Variants in ATP6V0A4 observed in about 807,000 individuals in gnomAD.
The protein encoded by ATP6V0A4 is V-type proton ATPase 116 kDa subunit a 4.
Under a neutral mutation model 107.3 loss-of-function variants are expected in ATP6V0A4, and 86 were observed. The ratio of observed to expected loss-of-function variants is 0.80; its 90% CI spans 0.67 to 0.96. The LOEUF (loss-of-function observed/expected upper bound fraction) is 0.96. Among genes scored for constraint, ATP6V0A4 ranks in the 40% least tolerant of loss-of-function variants. ATP6V0A4 has a pLI of 0.00. For missense variants in ATP6V0A4, 908 were observed against 1,045.6 expected, an observed-to-expected ratio of 0.87 and a Z score of 1.81; for synonymous variants, 353 against 381.4, an observed-to-expected ratio of 0.93 and a Z score of 0.87.
At position 138,739,578 on chromosome 7, in the gene ATP6V0A4, C is replaced by G; in HGVS notation, c.1534G>C (p.Val512Leu). The G allele has an allele frequency of 6.2e-7, 1 of 1,614,194 alleles. No homozygotes were observed. Among genetic ancestry groups the G allele is most frequent in the Non-Finnish European group, 8.5e-7 (1 of 1,180,040 alleles). Residue 512 changes from valine (V) to leucine (L), a missense_variant, in exon 15 of 22, where the codon GTG becomes CTG. Physicochemically the swap from Val to Leu is conservative, Grantham distance 32. Coordinates refer to ENST00000310018, the MANE Select transcript of ATP6V0A4 (RefSeq NM_020632.3). ...AACGGGTATGGATTTCCAAAATACACTCCTGGTATGGCTGGGTCCAGCTGC... is the reference window on the plus strand; with the variant it reads ...AACGGGTATGGATTTCCAAAATACAGTCCTGGTATGGCTGGGTCCAGCTGC... Reference protein sequence around the residue: ...YLQLDPAIPGVYFGNPYPFGI... With the variant: ...YLQLDPAIPGLYFGNPYPFGI...
At chr7:138,740,193 G>A (rs1031454031) in intron 14 of ATP6V0A4, among the ~76,000 whole-genome samples, 7 of 151,902 alleles carry the variant, frequency 4.6e-5, no homozygotes, top group South Asian at 2.1e-4. Flanking sequence ...TCAGAAATGA[G>A]GTAGAAAGCA....
At chr7:138,763,186 GACACACACAC>G (rs3832464) in intron 5 of ATP6V0A4, 161 bp from the exon 6 acceptor site, 6 of 262,798 alleles carry the variant, frequency 2.3e-5, no homozygotes, top group African/African-American at 4.9e-5. Context: ...GACACACACA[GACACACACAC>G]ACACACACAC....
At chr7:138,794,004 G>A (rs1808542689) in intron 1 of ATP6V0A4, among the ~76,000 whole-genome samples, 1 of 152,160 alleles carries the variant, frequency 6.6e-6, no homozygotes, top group Non-Finnish European at 1.5e-5. Context: ...CTTAACAGCT[G>A]TAGTTCTCAA....
chr7:138,742,899 G>T (rs201583030), intron 14 of ATP6V0A4, among the ~76,000 whole-genome samples: 3 of 23,364 alleles, frequency 1.3e-4, no homozygotes, highest in Non-Finnish European at 1.5e-4. Flanking sequence ...TAATTGCAAA[G>T]CAAAAAAAAA....
rs758945742 is a variant in ATP6V0A4, at chr7:138,749,331, A to T, written c.1030-14T>A. 372 of 1,610,290 alleles carry T rather than the reference A, an allele frequency of 2.3e-4. No individual in the cohort carries two copies. Among genetic ancestry groups the T allele is most frequent in the Non-Finnish European group, 3.1e-4 (368 of 1,179,762 alleles). On this transcript the variant is annotated splice_polypyrimidine_tract_variant and intron_variant, in intron 11 of 21. Coordinates refer to ENST00000310018, the MANE Select transcript of ATP6V0A4 (RefSeq NM_020632.3). ...GCCACTTAGTTCCTGGAAAAAAAAA[A>T]AAAAGCGACAAAGATGTAAGGAGAA...
chr7:138,726,890 G>A (rs1804751853), intron 18 of ATP6V0A4, among the ~76,000 whole-genome samples: 3 of 152,118 alleles, frequency 2.0e-5, no homozygotes, highest in Non-Finnish European at 2.9e-5. Flanking sequence ...ATCTGGTGGC[G>A]CAAAGGAGAA....
In ATP6V0A4 at chr7:138,722,323, G is replaced by A. The variant is rs149914408; in HGVS notation, c.2011-298C>T. Reference sequence around the variant, plus strand: ...AGCCTGGGCGACAGAGAGAGACTCCGTCTCAAAAAAATAAATAAATAAAAT... The same window carrying A: ...AGCCTGGGCGACAGAGAGAGACTCCATCTCAAAAAAATAAATAAATAAAAT... On this transcript the variant is annotated intron_variant, in intron 18 of 21. Transcript: ENST00000310018. 6.7e-3 allele frequency among the ~76,000 whole-genome samples: 993 copies of A among 147,186 alleles called. 11 individuals are homozygous for A. The highest frequency in any genetic ancestry group is 0.023 in the African/African-American group (925 of 39,926).
Position 138,759,865 on chromosome 7 carries a change from C to T in ATP6V0A4, c.526G>A (p.Val176Met), listed in dbSNP as rs759790025. The change falls in exon 8 of 22, where the codon GTG becomes ATG. Residue 176 changes from valine to methionine, a missense_variant. Coordinates refer to ENST00000310018, the MANE Select transcript of ATP6V0A4 (RefSeq NM_020632.3). ...MTGKLGFIAG[V>M]INRERMASFE... is the part of the protein sequence containing the mutation. ...GAAGCCATCCTCTCCCTGTTGATCA[C>T]ACCGGCTATGAACCTAGGCAGCCAG... 1.2e-6 allele frequency: 2 copies of T among 1,614,104 alleles called. No homozygotes were observed. The highest frequency in any genetic ancestry group is 1.1e-5 in the South Asian group (1 of 91,076).
chr7:138,718,581 G>A (rs1230300405), intron 19 of ATP6V0A4, among the ~76,000 whole-genome samples: 2 of 99,486 alleles, frequency 2.0e-5, no homozygotes, highest in East Asian at 3.5e-4. Context: ...GAGAGGCATG[G>A]GGCGGAATGG....
rs774903056 is a variant in ATP6V0A4, at chr7:138,732,942, G to A, written c.1843C>T (p.His615Tyr). 45 of 1,613,478 alleles carry A rather than the reference G, an allele frequency of 2.8e-5. No individual in the cohort carries two copies. Among genetic ancestry groups the A allele is most frequent in the Non-Finnish European group, 3.6e-5 (43 of 1,179,600 alleles). The change falls in exon 17 of 22, where the codon CAC (histidine) becomes TAC (tyrosine). Residue 615 changes from histidine (H) to tyrosine (Y), a missense_variant. His to Tyr is a moderately conservative substitution (Grantham distance 83, BLOSUM62 2). Coordinates refer to ENST00000310018, the MANE Select transcript of ATP6V0A4 (RefSeq NM_020632.3). ...VSQHAPSILI[H>Y]FINMFLFNYS... ...TTAAACAGAAACATGTTGATGAAGT[G>A]GATGAGGATGCTGGGGGCGTGCTGA...
At position 138,762,987 on chromosome 7, in the gene ATP6V0A4, G is replaced by A. The variant is rs769178991; in HGVS notation, c.330C>T (p.Ala110=). Residue 110 remains alanine, a synonymous_variant, in exon 6 of 22, where the codon GCC becomes GCT. Transcript: ENST00000310018. ...GTTTCAAGGCCTGCTGGTTCTGGTT[G>A]GCTTCCTGTAACTCTCCTTCCAGTT... is the stretch of plus-strand genomic sequence containing the variant. ...LEKLEGELQE[A]NQNQQALKQS... The A allele has an allele frequency of 6.2e-7, 1 of 1,614,036 alleles. No individual in the cohort carries two copies. Among genetic ancestry groups the A allele is most frequent in the Admixed American group, 1.7e-5 (1 of 59,998 alleles).
intron 2 of ATP6V0A4, among the ~76,000 whole-genome samples, chr7:138,777,629 A>T (rs1270677335): frequency 3.8e-5 from 5 of 133,124 alleles, no homozygotes; most frequent in African/African-American, 1.6e-4. Context: ...AAAAAAAAAA[A>T]AAATACACAC....
chr7:138,767,377 G>C (rs1159861765), intron 5 of ATP6V0A4, among the ~76,000 whole-genome samples: 1 of 152,088 alleles, frequency 6.6e-6, no homozygotes, highest in Admixed American at 6.6e-5. Flanking sequence ...ACAAAAATTA[G>C]CTGGGCGTGG....
chr7:138,733,264 G>T, intron 16 of ATP6V0A4, 171 bp from the exon 17 acceptor site: 3 of 596,604 alleles, frequency 5.0e-6, no homozygotes, highest in East Asian at 1.5e-4. Flanking sequence ...CTGTATGGAT[G>T]CATAGAAAAG....
At chr7:138,716,892 T>C (rs923442744) in intron 19 of ATP6V0A4, among the ~76,000 whole-genome samples, 5 of 152,150 alleles carry the variant, frequency 3.3e-5, no homozygotes, top group African/African-American at 1.2e-4. Flanking sequence ...GTGCTGTACA[T>C]GCCCTCAAGT....
At chr7:138,781,405 G>A (rs113306777) in intron 2 of ATP6V0A4, among the ~76,000 whole-genome samples, 18 of 150,762 alleles carry the variant, frequency 1.2e-4, no homozygotes, top group South Asian at 6.3e-4. Context: ...ATCTTGGCTC[G>A]CTGCAGCCTC....
chr7:138,725,833 A>C (rs1353747997), intron 18 of ATP6V0A4, among the ~76,000 whole-genome samples: 1 of 151,426 alleles, frequency 6.6e-6, no homozygotes, highest in Non-Finnish European at 1.5e-5. Flanking sequence ...AGTTCTAAGG[A>C]TGACCCATTT....
At chr7:138,744,474 G>A (rs771719392) in intron 14 of ATP6V0A4, among the ~76,000 whole-genome samples, 6 of 151,862 alleles carry the variant, frequency 4.0e-5, no homozygotes, top group Non-Finnish European at 8.8e-5. Context: ...CTGAACTCAA[G>A]TGATCCTCCC....
intron 19 of ATP6V0A4, among the ~76,000 whole-genome samples, chr7:138,718,822 G>A (rs1804288925): frequency 1.3e-5 from 2 of 152,136 alleles, no homozygotes; most frequent in African/African-American, 4.8e-5. Flanking sequence ...AGGAATTGAA[G>A]GGACAGGGAT....
Sources: allele counts gnomAD v4.1 joint callset (sites outside exome capture counted in the v4.1 genomes callset), GRCh38; gene constraint gnomAD v4.1.1; transcripts MANE v1.5; gene names NCBI Gene and HGNC (gene_info 2026-07-23, HGNC 2026-07-21).